The following OLFM2 variants were observed in gnomAD, a reference collection of about 807,000 sequenced individuals.
OLFM2 encodes the protein olfactomedin 2.
Under a neutral mutation model 43.9 loss-of-function variants are expected in OLFM2, and 20 were observed. The ratio of observed to expected loss-of-function variants is 0.46; its 90% CI spans 0.32 to 0.66. The LOEUF is 0.66. Among genes scored for constraint, OLFM2 ranks in the 30% least tolerant of loss-of-function variants. OLFM2 has a pLI of 0.04. For missense variants in OLFM2, 416 were observed against 643.6 expected, an observed-to-expected ratio of 0.65 and a Z score of 3.83; for synonymous variants, 268 against 278.6, an observed-to-expected ratio of 0.96 and a Z score of 0.38.
In OLFM2 at chr19:9,857,548, CCT is replaced by C; in HGVS notation, c.361-68_361-67del. The C allele has an allele frequency of 6.3e-7, 1 of 1,576,574 alleles. No homozygotes were observed. Among genetic ancestry groups the C allele is most frequent in the South Asian group, 1.1e-5 (1 of 89,590 alleles). On this transcript the variant is annotated intron_variant, in intron 3 of 5. Transcript: ENST00000264833. The surrounding 1 kb of genome is among the most constrained non-coding windows in gnomAD (Gnocchi z 5.7). ...GCCTTTGACCCAGACATGACTCCAA[CCT>C]CTGACTCATAACTTCACCCTTTGTC...
chr19:9,889,157 G>A (rs1464765067), intron 1 of OLFM2, among the ~76,000 whole-genome samples: 1 of 152,148 alleles, frequency 6.6e-6, no homozygotes, highest in African/African-American at 2.4e-5. Context: ...GGCCTGGAGA[G>A]GGGAGGGGGT....
At chr19:9,914,495 G>A (rs934595665) in intron 1 of OLFM2, among the ~76,000 whole-genome samples, 2 of 151,986 alleles carry the variant, frequency 1.3e-5, no homozygotes, top group Admixed American at 6.5e-5. Context: ...GGGTCACTTC[G>A]GCCACGGGAG....
In OLFM2 at chr19:9,856,986, G is replaced by C; in HGVS notation, c.581-73C>G. On this transcript the variant is annotated intron_variant, in intron 4 of 5. Transcript: ENST00000264833. The surrounding 1 kb of genome is among the most constrained non-coding windows in gnomAD (Gnocchi z 4.0). ...AAGAGAGGCCAGGCAAAGATGAAGTGCTGTGATCAAGTTGGGAAAGCTGGG... is the reference window on the plus strand; with the variant it reads ...AAGAGAGGCCAGGCAAAGATGAAGTCCTGTGATCAAGTTGGGAAAGCTGGG... 8.0e-7 allele frequency: 1 copy of C among 1,255,486 alleles called. No homozygotes were observed. The highest frequency in any genetic ancestry group is 1.1e-6 in the Non-Finnish European group (1 of 877,584). The allele number at this position is 1,255,486 out of a possible 1,614,324, so 77.8% of individuals were successfully genotyped here.
Position 9,857,835 on chromosome 19 carries a change from C to T in OLFM2, c.240G>A (p.Glu80=), listed in dbSNP as rs373597285. The part of the protein sequence containing the change: ...EKVQNVSQSM[E]VLELRTYRDL... ...CGCGATACGTCCGCAACTCAAGGAC[C>T]TCCATGGACTGGGAGACGTTCTGGA... The change falls in exon 3 of 6, where the codon GAG becomes GAA. Residue 80 remains glutamate, a synonymous_variant. Coordinates refer to ENST00000264833, the MANE Select transcript of OLFM2 (RefSeq NM_058164.4). The surrounding 1 kb of genome is among the most constrained non-coding windows in gnomAD (Gnocchi z 5.7). The T allele has an allele frequency of 9.3e-6, 15 of 1,614,096 alleles. No individual in the cohort carries two copies. Among genetic ancestry groups the T allele is most frequent in the Non-Finnish European group, 1.3e-5 (15 of 1,180,024 alleles).
At chr19:9,886,970 C>T (rs1343577354) in intron 1 of OLFM2, among the ~76,000 whole-genome samples, 1 of 152,036 alleles carries the variant, frequency 6.6e-6, no homozygotes, top group African/African-American at 2.4e-5. Flanking sequence ...GTGTGAGCCA[C>T]CGTGCCTGGC....
chr19:9,896,091 A>ATTT lies in OLFM2; in HGVS notation c.64-35300_64-35298dup, dbSNP rs71188854. The stretch of plus-strand genomic sequence containing the variant: ...CCCAGGCCTTCTTTACTTTATTTTA[A>ATTT]TTTTTTTTTTTTTTTTTTTTTTTGA... On this transcript the variant is annotated intron_variant, in intron 1 of 5. Transcript: ENST00000264833. Among the ~76,000 whole-genome samples the ATTT allele has an allele frequency of 7.7e-3, 738 of 95,666 alleles. 10 individuals are homozygous for ATTT. Among genetic ancestry groups the ATTT allele is most frequent in the Middle Eastern group, 0.014 (2 of 148 alleles). 62.8% of individuals were successfully genotyped at this position (95,666 alleles called of 152,430 possible).
chr19:9,881,684 T>G (rs1390723915), intron 1 of OLFM2, among the ~76,000 whole-genome samples: 1 of 149,928 alleles, frequency 6.7e-6, no homozygotes, highest in Non-Finnish European at 1.5e-5. Flanking sequence ...TTTTTACAGT[T>G]GGGGGGTCTT....
At chr19:9,903,582 G>C (rs2046758783) in intron 1 of OLFM2, among the ~76,000 whole-genome samples, 1 of 152,084 alleles carries the variant, frequency 6.6e-6, no homozygotes, top group Admixed American at 6.6e-5. Context: ...TCTCCCCAAC[G>C]AACTCATTAG....
At chr19:9,936,036 G>C (rs1166440117) in intron 1 of OLFM2, among the ~76,000 whole-genome samples, 1 of 152,016 alleles carries the variant, frequency 6.6e-6, no homozygotes, top group Non-Finnish European at 1.5e-5. Context: ...TGGCGGGGTG[G>C]GGGCTCGGGG....
intron 1 of OLFM2, among the ~76,000 whole-genome samples, chr19:9,917,120 G>A (rs141513542): frequency 2.6e-5 from 4 of 152,192 alleles, no homozygotes; most frequent in African/African-American, 9.6e-5. Context: ...TGAACTTCCT[G>A]TTCCTTCTAC....
In OLFM2 at chr19:9,857,504, T is replaced by C. The variant is rs2046331237; in HGVS notation, c.361-22A>G. The stretch of plus-strand genomic sequence containing the variant: ...GCTCCTGTGCATCAAGATGGAACCA[T>C]GGCCAAGCCTGACCCCTGGCCTTTG... On this transcript the variant is annotated intron_variant, in intron 3 of 5. Coordinates refer to ENST00000264833, the MANE Select transcript of OLFM2 (RefSeq NM_058164.4). The surrounding 1 kb of genome is among the most constrained non-coding windows in gnomAD (Gnocchi z 5.7). The C allele has an allele frequency of 6.2e-7, 1 of 1,610,798 alleles. No individual in the cohort carries two copies. The highest frequency in any genetic ancestry group is 8.5e-7 in the Non-Finnish European group (1 of 1,178,956).
At chr19:9,877,134 G>A (rs1291924749) in intron 1 of OLFM2, among the ~76,000 whole-genome samples, 2 of 151,718 alleles carry the variant, frequency 1.3e-5, no homozygotes, top group African/African-American at 4.8e-5. Context: ...GGAGGCTGAG[G>A]GATGAGAATC....
At position 9,936,504 on chromosome 19, in the gene OLFM2, G is replaced by A. The variant is rs1277920973; in HGVS notation, c.-138C>T. On this transcript the variant is annotated 5_prime_UTR_variant, in exon 1 of 6. Transcript: ENST00000264833. The stretch of plus-strand genomic sequence containing the variant: ...GCCTCCCCCGCCTCGCCGGCGGCCG[G>A]GATTCCGCCCCACCCCCGCCCCCTC... 1.2e-5 allele frequency: 6 copies of A among 503,810 alleles called. No individual in the cohort carries two copies. Among genetic ancestry groups the A allele is most frequent in the Non-Finnish European group, 1.5e-5 (6 of 390,458 alleles). The allele number at this position is 503,810 out of a possible 1,614,324, so 31.2% of individuals were successfully genotyped here.
At chr19:9,925,061 G>A (rs1436843605) in intron 1 of OLFM2, among the ~76,000 whole-genome samples, 1 of 151,982 alleles carries the variant, frequency 6.6e-6, no homozygotes, top group Admixed American at 6.6e-5. Context: ...CCAGGAGTTG[G>A]AGACCAGCCT....
chr19:9,860,857 G>T, intron 1 of OLFM2, 63 bp from the exon 2 acceptor site: 1 of 1,510,774 alleles, frequency 6.6e-7, no homozygotes, highest in Non-Finnish European at 8.9e-7. Context: ...CCCTCACTGG[G>T]ACAGGAAGGG....
Position 9,857,678 on chromosome 19 carries a change from T to C in OLFM2, c.360+37A>G, listed in dbSNP as rs1268959371. ...ACTAATGGATACCAAATCCCAGTCA[T>C]TTGTTTGACCTCTGGTCTGGACACA... On this transcript the variant is annotated intron_variant, in intron 3 of 5. Transcript: ENST00000264833. This position sits in a 1 kb window ranked among gnomAD's most constrained non-coding sequence, Gnocchi z 5.7. 1.5e-5 allele frequency: 24 copies of C among 1,613,804 alleles called. No homozygotes were observed. The highest frequency in any genetic ancestry group is 2.0e-5 in the Non-Finnish European group (24 of 1,179,926).
intron 1 of OLFM2, among the ~76,000 whole-genome samples, chr19:9,863,016 C>T (rs1599467181): frequency 6.8e-6 from 1 of 146,988 alleles, no homozygotes; most frequent in East Asian, 2.0e-4. Flanking sequence ...TGTGGGGGGA[C>T]GTGAGGGTTG....
chr19:9,935,632 C>A lies in OLFM2; in HGVS notation c.63+672G>T, dbSNP rs188109537. Among the ~76,000 whole-genome samples, 42 of 152,238 alleles carry A rather than the reference C, an allele frequency of 2.8e-4. No homozygotes were observed. In the East Asian group the frequency reaches 7.5e-3, roughly 27 times the overall value. ...GCTCTCACACGGCCACACACCTGGC[C>A]ACACACGTATTGTACAACACCCAGT... On this transcript the variant is annotated intron_variant, in intron 1 of 5. Coordinates refer to ENST00000264833, the MANE Select transcript of OLFM2 (RefSeq NM_058164.4).
intron 1 of OLFM2, among the ~76,000 whole-genome samples, chr19:9,874,158 A>G (rs929653140): frequency 3.3e-5 from 5 of 151,902 alleles, no homozygotes; most frequent in African/African-American, 1.2e-4. Context: ...CAGTTTTCCC[A>G]CTTGAGTGCT....
Sources: allele counts gnomAD v4.1 joint callset (sites outside exome capture counted in the v4.1 genomes callset), GRCh38; gene constraint gnomAD v4.1.1; non-coding constraint Gnocchi (gnomAD v3.1); transcripts MANE v1.5; gene names NCBI Gene and HGNC (gene_info 2026-07-23, HGNC 2026-07-21).